NXPE4: variants seen among roughly 807,000 people sequenced by gnomAD.
NXPE4 encodes NXPE family member 4.
In NXPE4, 42 loss-of-function variants were observed where a neutral mutation model predicts 33.3. The ratio of observed to expected loss-of-function variants is 1.26; its 90% confidence interval spans 0.98 to 1.63. The LOEUF (loss-of-function observed/expected upper bound fraction) is 1.63. Ranked by LOEUF, NXPE4 falls within the 40% of genes most tolerant of loss-of-function variation. The probability of loss-of-function intolerance (pLI) is 0.00; values close to 1 mark genes in which losing one functional copy is unlikely to be tolerated. For missense variants in NXPE4, 709 were observed against 647.6 expected, an observed-to-expected ratio of 1.09 and a Z score of -1.03; for synonymous variants, 253 against 234.9, an observed-to-expected ratio of 1.08 and a Z score of -0.71.
chr11:114,575,697 T>C (rs111329990), intron 5 of NXPE4, among the ~76,000 whole-genome samples: 2,835 of 152,116 alleles, frequency 0.019, 69 homozygotes, highest in African/African-American at 0.063. Flanking sequence ...AAAGAAATTA[T>C]AGATGACATG....
chr11:114,619,081 A>G, the NXPE4 span, among the ~76,000 whole-genome samples: 1 of 144,720 alleles, frequency 6.9e-6, no homozygotes, highest in Non-Finnish European at 1.5e-5. Context: ...TAAGTATTGC[A>G]TCATGGGTAA....
chr11:114,629,023 A>G, the NXPE4 span, among the ~76,000 whole-genome samples: 3 of 152,084 alleles, frequency 2.0e-5, no homozygotes, highest in Non-Finnish European at 2.9e-5. Flanking sequence ...AATTGTGGCA[A>G]TAATCAATAG....
the NXPE4 span, among the ~76,000 whole-genome samples, chr11:114,655,533 T>C: frequency 6.6e-6 from 1 of 152,234 alleles, no homozygotes; most frequent in Non-Finnish European, 1.5e-5. Context: ...AGTTTCAGTT[T>C]TCTGCATATG....
intron 2 of NXPE4, among the ~76,000 whole-genome samples, chr11:114,586,092 C>A (rs1949290446): frequency 6.6e-6 from 1 of 152,134 alleles, no homozygotes; most frequent in East Asian, 1.9e-4. Flanking sequence ...CCTGGGGTGA[C>A]CAATCTTTTT....
the NXPE4 span, among the ~76,000 whole-genome samples, chr11:114,650,695 A>AT: frequency 3.3e-5 from 5 of 152,298 alleles, no homozygotes; most frequent in South Asian, 4.1e-4. Context: ...TGCTACCATC[A>AT]TAAGTAGGGC....
chr11:114,575,422 G>A lies in NXPE4; in HGVS notation c.1100-3949C>T, dbSNP rs116753249. Among the ~76,000 whole-genome samples, 833 of 152,108 alleles carry A rather than the reference G, an allele frequency of 5.5e-3. 16 individuals are homozygous for A. Among genetic ancestry groups the A allele is most frequent in the African/African-American group, 0.019 (799 of 41,540 alleles). The stretch of plus-strand genomic sequence containing the variant: ...AAACTGTTGCTGTGGCTCATGATAT[G>A]ATAGTATACCTAGAAAACCCTAAAG... On this transcript the variant is annotated intron_variant, in intron 5 of 5. Coordinates refer to ENST00000375478, the MANE Select transcript of NXPE4 (RefSeq NM_001077639.2).
chr11:114,651,088 C>A, the NXPE4 span, among the ~76,000 whole-genome samples: 1 of 146,674 alleles, frequency 6.8e-6, no homozygotes, highest in Non-Finnish European at 1.5e-5. Context: ...AATATATATA[C>A]AATATTACAT....
chr11:114,669,272 T>C, the NXPE4 span, among the ~76,000 whole-genome samples: 1 of 152,106 alleles, frequency 6.6e-6, no homozygotes, highest in South Asian at 2.1e-4. Context: ...GAAAATCTTC[T>C]ATATCTCAGT....
chr11:114,628,007 T>C, the NXPE4 span, among the ~76,000 whole-genome samples: 1 of 151,622 alleles, frequency 6.6e-6, no homozygotes, highest in Non-Finnish European at 1.5e-5. Flanking sequence ...CAGGAGCACC[T>C]AGATTCATAA....
chr11:114,610,015 C>T, the NXPE4 span, among the ~76,000 whole-genome samples: 2 of 142,016 alleles, frequency 1.4e-5, no homozygotes, highest in African/African-American at 5.2e-5. Context: ...GTAGATAATA[C>T]ATGTTGCCTC....
chr11:114,626,148 G>A, the NXPE4 span, among the ~76,000 whole-genome samples: 1 of 152,172 alleles, frequency 6.6e-6, no homozygotes, highest in Non-Finnish European at 1.5e-5. Context: ...AAGCAGCCGG[G>A]AAGCTCGAAC....
intron 2 of NXPE4, among the ~76,000 whole-genome samples, chr11:114,588,939 C>A (rs78439664): frequency 0.012 from 1,894 of 152,184 alleles, 40 homozygotes; most frequent in African/African-American, 0.043. Flanking sequence ...TTTTGGAGAA[C>A]CTCCTGAGGG....
the NXPE4 span, among the ~76,000 whole-genome samples, chr11:114,612,625 A>T: frequency 3.3e-5 from 5 of 151,926 alleles, no homozygotes; most frequent in Non-Finnish European, 5.9e-5. Context: ...CCCTGTGGAT[A>T]ATAAGTATTG....
At chr11:114,616,755 G>A in the NXPE4 span, among the ~76,000 whole-genome samples, 1 of 151,528 alleles carries the variant, frequency 6.6e-6, no homozygotes. Flanking sequence ...CGGTTAACCG[G>A]TGGATAATAA....
the NXPE4 span, among the ~76,000 whole-genome samples, chr11:114,645,350 A>G: frequency 1.3e-5 from 2 of 152,054 alleles, no homozygotes; most frequent in African/African-American, 2.4e-5. Flanking sequence ...AAGATTCCCT[A>G]TACCACATCA....
the NXPE4 span, among the ~76,000 whole-genome samples, chr11:114,658,732 C>A: frequency 6.6e-6 from 1 of 152,084 alleles, no homozygotes; most frequent in Admixed American, 6.5e-5. Context: ...GGGCCCAGAC[C>A]ATTAGAGATT....
chr11:114,643,656 T>C, the NXPE4 span, among the ~76,000 whole-genome samples: 1 of 152,150 alleles, frequency 6.6e-6, no homozygotes. Context: ...TTTTCATTAC[T>C]GTAGCCTTGT....
intron 2 of NXPE4, among the ~76,000 whole-genome samples, chr11:114,592,164 C>G (rs1949472144): frequency 6.6e-6 from 1 of 152,016 alleles, no homozygotes; most frequent in African/African-American, 2.4e-5. Context: ...TATTGGAAGT[C>G]CTAGCCAGAG....
the NXPE4 span, among the ~76,000 whole-genome samples, chr11:114,637,118 C>A: frequency 2.6e-5 from 4 of 151,664 alleles, no homozygotes; most frequent in Admixed American, 1.3e-4. Flanking sequence ...GTAGGTCACT[C>A]AGGACTTGCT....
Sources: allele counts gnomAD v4.1 joint callset (sites outside exome capture counted in the v4.1 genomes callset), GRCh38; gene constraint gnomAD v4.1.1; transcripts MANE v1.5; gene names NCBI Gene and HGNC (gene_info 2026-07-23, HGNC 2026-07-21).